The following MAP4K3 variants were observed in gnomAD, a reference collection of about 807,000 sequenced individuals.
MAP4K3 encodes MAPK/ERK kinase kinase kinase 3.
Under a neutral mutation model 143.5 loss-of-function variants are expected in MAP4K3, and 94 were observed. The ratio of observed to expected loss-of-function variants is 0.65; its 90% CI spans 0.55 to 0.78. The LOEUF (loss-of-function observed/expected upper bound fraction) is 0.78. Ranked by LOEUF, MAP4K3 falls within the 30% of genes least tolerant of loss-of-function variation. MAP4K3 has a pLI of 0.00. For synonymous variants in MAP4K3, 416 were observed against 347.2 expected (o/e 1.20, Z -2.20); for missense variants, 1,077 against 1,068.1 (o/e 1.01, Z -0.12).
chr2:39,343,010 A>G (rs1386125732), intron 4 of MAP4K3, among the ~76,000 whole-genome samples: 1 of 152,162 alleles, frequency 6.6e-6, no homozygotes, highest in East Asian at 1.9e-4. Context: ...CATTTAATTG[A>G]TATTTCTTGA....
At chr2:39,363,663 T>A (rs1419163322) in intron 2 of MAP4K3, among the ~76,000 whole-genome samples, 2 of 103,428 alleles carry the variant, frequency 1.9e-5, no homozygotes, top group African/African-American at 7.5e-5. Flanking sequence ...AGTGAGACTC[T>A]GTCTCAAAAA....
intron 1 of MAP4K3, among the ~76,000 whole-genome samples, chr2:39,382,756 G>T (rs1341318573): frequency 6.6e-6 from 1 of 152,182 alleles, no homozygotes; most frequent in African/African-American, 2.4e-5. Context: ...TTAAGCTACT[G>T]AGGTACTGCT....
chr2:39,356,380 T>C, intron 2 of MAP4K3, 41 bp from the exon 3 acceptor site: 1 of 1,071,556 alleles, frequency 9.3e-7, no homozygotes, highest in Non-Finnish European at 1.4e-6. Context: ...TAGAGGTAAG[T>C]TTCAAAATGC....
chr2:39,400,614 T>A (rs1263655979), intron 1 of MAP4K3, among the ~76,000 whole-genome samples: 1 of 152,056 alleles, frequency 6.6e-6, no homozygotes, highest in Non-Finnish European at 1.5e-5. Context: ...AATTCCTTGG[T>A]GTTCATATCT....
intron 8 of MAP4K3, among the ~76,000 whole-genome samples, chr2:39,331,396 A>T (rs994273123): frequency 2.4e-4 from 37 of 152,152 alleles, no homozygotes; most frequent in African/African-American, 8.9e-4. Flanking sequence ...GCTAGAAAGG[A>T]AGGTCCATGG....
rs763318422 is a variant in MAP4K3 at position 39,272,583 on chromosome 2, T to C, written c.1795-41A>G. On this transcript the variant is annotated intron_variant, in intron 24 of 33. Transcript: ENST00000263881. ...CACAAAGTTTACAAAGAATAATACA[T>C]AATGGCAATGTAAATCTGTACACAG... 2.7e-6 allele frequency: 4 copies of C among 1,506,710 alleles called. No homozygotes were observed. In the South Asian group the frequency reaches 4.5e-5, roughly 17 times the overall value. The allele number at this position is 1,506,710 out of a possible 1,614,324, so 93.3% of individuals were successfully genotyped here.
chr2:39,415,983 AT>A lies in MAP4K3; in HGVS notation c.96+20908del, dbSNP rs1247589373. On this transcript the variant is annotated intron_variant, in intron 1 of 33. Coordinates refer to ENST00000263881, the MANE Select transcript of MAP4K3 (RefSeq NM_003618.4). ...AAAAAAAAAAAAAAAAAAAAAAAAT[AT>A]ATATATATATATATATATATAAAAA... is the stretch of plus-strand genomic sequence containing the variant. Among the ~76,000 whole-genome samples, 46 of 78,278 alleles carry A rather than the reference AT, an allele frequency of 5.9e-4. 1 individual carries two copies. The highest frequency in any genetic ancestry group is 1.2e-3 in the African/African-American group (21 of 18,012). 51.4% of individuals were successfully genotyped at this position (78,278 alleles called of 152,430 possible).
At chr2:39,277,360 G>C (rs1232131116) in intron 24 of MAP4K3, among the ~76,000 whole-genome samples, 1 of 152,184 alleles carries the variant, frequency 6.6e-6, no homozygotes, top group Non-Finnish European at 1.5e-5. Context: ...CATCTCAAAT[G>C]CCTCTACTCA....
At chr2:39,337,424 A>G (rs1307785714) in intron 5 of MAP4K3, 102 bp downstream of exon 5, 2 of 768,858 alleles carry the variant, frequency 2.6e-6, no homozygotes, top group Admixed American at 2.4e-5. Flanking sequence ...AGAGTTTACC[A>G]AACTAAAATA....
At chr2:39,371,038 G>A (rs1666067449) in intron 2 of MAP4K3, among the ~76,000 whole-genome samples, 1 of 151,808 alleles carries the variant, frequency 6.6e-6, no homozygotes, top group South Asian at 2.1e-4. Context: ...TCCCAAATAA[G>A]TCTCAAGAAT....
chr2:39,259,311 A>G (rs1221129900), intron 29 of MAP4K3, among the ~76,000 whole-genome samples: 1 of 152,160 alleles, frequency 6.6e-6, no homozygotes, highest in Non-Finnish European at 1.5e-5. Context: ...CTAGACTATA[A>G]ATGAACAGCT....
At chr2:39,428,478 G>C (rs1665168049) in intron 1 of MAP4K3, among the ~76,000 whole-genome samples, 1 of 152,068 alleles carries the variant, frequency 6.6e-6, no homozygotes, top group South Asian at 2.1e-4. Context: ...TTCGAGACCA[G>C]CCTGGCCAAC....
intron 12 of MAP4K3, among the ~76,000 whole-genome samples, chr2:39,317,918 A>G (rs188904890): frequency 2.0e-5 from 3 of 152,336 alleles, no homozygotes; most frequent in Admixed American, 1.3e-4. Context: ...CCAAAGGAAT[A>G]TAAGTTGTTC....
intron 3 of MAP4K3, among the ~76,000 whole-genome samples, chr2:39,349,843 C>T (rs1262748892): frequency 6.6e-6 from 1 of 152,146 alleles, no homozygotes; most frequent in Admixed American, 6.5e-5. Flanking sequence ...TTTTTCAATA[C>T]ACCCATTTTT....
At chr2:39,433,769 T>C (rs1391811725) in intron 1 of MAP4K3, among the ~76,000 whole-genome samples, 6 of 152,142 alleles carry the variant, frequency 3.9e-5, no homozygotes, top group African/African-American at 1.4e-4. Context: ...TCATGACAGA[T>C]AAAGCCTGCA....
intron 1 of MAP4K3, among the ~76,000 whole-genome samples, chr2:39,386,872 G>C (rs111447332): frequency 2.3e-4 from 35 of 149,084 alleles, no homozygotes; most frequent in African/African-American, 8.8e-4. Context: ...CTGGAGTGCA[G>C]TGATACAATC....
At chr2:39,312,030 T>C (rs184853309) in intron 13 of MAP4K3, among the ~76,000 whole-genome samples, 109 of 152,302 alleles carry the variant, frequency 7.2e-4, no homozygotes, top group Admixed American at 1.6e-3. Context: ...TTGACCATGG[T>C]TAATGACAAT....
chr2:39,274,382 A>G (rs959539447), intron 24 of MAP4K3, among the ~76,000 whole-genome samples: 1 of 151,624 alleles, frequency 6.6e-6, no homozygotes, highest in Non-Finnish European at 1.5e-5. Context: ...ACGCCCGGCT[A>G]ATTTTTTTTT....
At chr2:39,404,399 G>A (rs1667035970) in intron 1 of MAP4K3, among the ~76,000 whole-genome samples, 1 of 152,112 alleles carries the variant, frequency 6.6e-6, no homozygotes, top group Non-Finnish European at 1.5e-5. Flanking sequence ...CAAGCTGACT[G>A]AAGAACCCTC....
Sources: gnomAD v4.1 joint callset for allele counts (sites outside exome capture counted in the v4.1 genomes callset) on GRCh38, gnomAD v4.1.1 for gene constraint, MANE v1.5 for transcripts, NCBI Gene and HGNC (gene_info 2026-07-23, HGNC 2026-07-21) for gene names.